Variants in PBX1 observed in about 807,000 individuals in gnomAD.
PBX1 encodes the protein pre-B-cell leukemia transcription factor 1.
PBX1 carries 6 observed loss-of-function variants against 53.4 expected under a neutral mutation model. The observed-to-expected ratio is 0.11, with a 90% confidence interval of 0.06 to 0.22. The LOEUF is 0.22. Ranked by LOEUF, PBX1 falls within the 10% of genes least tolerant of loss-of-function variation. PBX1 has a pLI of 1.00. For missense variants in PBX1, 251 were observed against 551.4 expected (o/e 0.46, Z 5.46); for synonymous variants, 204 against 212.3 (o/e 0.96, Z 0.34).
At chr1:164,744,828 C>T (rs1215037938) in intron 2 of PBX1, among the ~76,000 whole-genome samples, 10 of 151,872 alleles carry the variant, frequency 6.6e-5, no homozygotes, top group Admixed American at 6.6e-4. Flanking sequence ...TATATATGTC[C>T]CAAACCTTAG....
At chr1:164,818,031 T>C (rs1328296897) in intron 6 of PBX1, 1 of 152,200 alleles carries the variant, frequency 6.6e-6, no homozygotes, top group Admixed American at 6.5e-5. Flanking sequence ...TGATGACATA[T>C]AACAAATTAT....
chr1:164,728,803 C>A (rs1163253028), intron 2 of PBX1, among the ~76,000 whole-genome samples: 3 of 152,130 alleles, frequency 2.0e-5, no homozygotes, highest in African/African-American at 7.2e-5. Context: ...ATCTCTTTCC[C>A]GATATTCTCC....
intron 2 of PBX1, among the ~76,000 whole-genome samples, chr1:164,588,199 ATGAG>A (rs1194480872): frequency 1.5e-4 from 23 of 152,324 alleles, no homozygotes; most frequent in African/African-American, 5.5e-4. Flanking sequence ...AGGCAGTCTG[ATGAG>A]TGAGTGAGAT....
chr1:164,601,235 CAAAAAA>C (rs746798555), intron 2 of PBX1, among the ~76,000 whole-genome samples: 1,304 of 33,808 alleles, frequency 0.039, 5 homozygotes, highest in South Asian at 0.073. Context: ...GATTCTGTCT[CAAAAAA>C]AAAAAAAAAA....
At chr1:164,628,278 T>G (rs559598261) in intron 2 of PBX1, among the ~76,000 whole-genome samples, 1 of 152,360 alleles carries the variant, frequency 6.6e-6, no homozygotes, top group South Asian at 2.1e-4. Context: ...ACTGATACTT[T>G]AGAAGCATAT....
At position 164,821,584 on chromosome 1, in the gene PBX1, T is replaced by C; in HGVS notation, c.1158T>C (p.Asp386=). ...TCAGCCAGACAGGAGGATACAGTGA[T>C]GGACTCGCAGCCAGTCAGATGTACA... ...HVISQTGGYS[D]GLAASQMYSP... Residue 386 remains aspartate (D), a synonymous_variant, in exon 8 of 9, where the codon GAT becomes GAC. Transcript: ENST00000420696. 6.2e-7 allele frequency: 1 copy of C among 1,614,152 alleles called. No homozygotes were observed. Among genetic ancestry groups the C allele is most frequent in the African/African-American group, 1.3e-5 (1 of 75,040 alleles).
chr1:164,738,116 G>C (rs76151597), intron 2 of PBX1, among the ~76,000 whole-genome samples: 10,841 of 152,026 alleles, frequency 0.071, 565 homozygotes, highest in East Asian at 0.15. Flanking sequence ...GTATTTTATT[G>C]TGGGAATAGA....
chr1:164,713,678 G>A (rs1663926371), intron 2 of PBX1, among the ~76,000 whole-genome samples: 1 of 152,044 alleles, frequency 6.6e-6, no homozygotes, highest in Admixed American at 6.6e-5. Flanking sequence ...ATGGGGGAGG[G>A]GAGGCATTTT....
At chr1:164,611,214 T>C (rs1208823770) in intron 2 of PBX1, among the ~76,000 whole-genome samples, 1 of 152,114 alleles carries the variant, frequency 6.6e-6, no homozygotes, top group African/African-American at 2.4e-5. Flanking sequence ...CTCTCTAACT[T>C]TGGGCCTTTT....
chr1:164,855,386 A>G (rs1254591642), downstream of PBX1, among the ~76,000 whole-genome samples: 1 of 152,198 alleles, frequency 6.6e-6, no homozygotes, highest in South Asian at 2.1e-4. Flanking sequence ...CTTCTATAGC[A>G]GCAGCTGGCC....
At chr1:164,834,624 C>T (rs1002899729) in intron 8 of PBX1, among the ~76,000 whole-genome samples, 2 of 152,094 alleles carry the variant, frequency 1.3e-5, no homozygotes, top group African/African-American at 2.4e-5. Flanking sequence ...GGATTACAGG[C>T]GTGAGCCACT....
Position 164,847,146 on chromosome 1 carries a change from C to T in PBX1, c.*470C>T. 2 of 1,089,990 alleles carry T rather than the reference C, an allele frequency of 1.8e-6. No homozygotes were observed. Among genetic ancestry groups the T allele is most frequent in the Non-Finnish European group, 2.2e-6 (2 of 891,626 alleles). 67.5% of individuals were successfully genotyped at this position (1,089,990 alleles called of 1,614,324 possible). A position where few individuals can be genotyped will look rare whatever the true frequency, so the allele number is the denominator to read the frequency against. ...CCCTATGTTAACAGGCAATCCTTCT[C>T]TGTTTCTCTTATTACTCTCACTACC... On this transcript the variant is annotated 3_prime_UTR_variant, in exon 9 of 9. Coordinates refer to ENST00000420696, the MANE Select transcript of PBX1 (RefSeq NM_002585.4).
chr1:164,654,545 GA>G (rs1463140080), intron 2 of PBX1, among the ~76,000 whole-genome samples: 1 of 152,206 alleles, frequency 6.6e-6, no homozygotes, highest in East Asian at 1.9e-4. Flanking sequence ...AGTGATGTGA[GA>G]AATACTGGAA....
intron 2 of PBX1, among the ~76,000 whole-genome samples, chr1:164,664,434 C>T (rs79238082): frequency 0.036 from 5,404 of 152,210 alleles, 142 homozygotes; most frequent in South Asian, 0.092. Context: ...TTTGTGTTGC[C>T]GCCAGTACCA....
intron 2 of PBX1, among the ~76,000 whole-genome samples, chr1:164,704,726 T>C (rs922693476): frequency 1.6e-4 from 24 of 152,206 alleles, no homozygotes; most frequent in Non-Finnish European, 2.9e-4. Context: ...CTTTATTTGC[T>C]TTTAACACAG....
At chr1:164,720,243 T>C (rs1316290845) in intron 2 of PBX1, among the ~76,000 whole-genome samples, 3 of 152,182 alleles carry the variant, frequency 2.0e-5, no homozygotes, top group Non-Finnish European at 4.4e-5. Context: ...TGCATACTTC[T>C]GTATTTTATT....
At chr1:164,838,590 C>T (rs1423403367) in intron 8 of PBX1, among the ~76,000 whole-genome samples, 1 of 152,166 alleles carries the variant, frequency 6.6e-6, no homozygotes, top group East Asian at 1.9e-4. Flanking sequence ...GTCCCACAGC[C>T]CCGTCTTTTG....
intron 2 of PBX1, among the ~76,000 whole-genome samples, chr1:164,632,739 T>C (rs1454480345): frequency 6.6e-6 from 1 of 152,128 alleles, no homozygotes; most frequent in Non-Finnish European, 1.5e-5. Context: ...TACGGACACA[T>C]TGGACATGTG....
At chr1:164,832,043 T>C (rs943077096) in intron 8 of PBX1, among the ~76,000 whole-genome samples, 5 of 152,180 alleles carry the variant, frequency 3.3e-5, no homozygotes, top group Admixed American at 2.0e-4. Context: ...AGAAACTTTC[T>C]AATAGATATC....
Sources: allele counts gnomAD v4.1 joint callset (sites outside exome capture counted in the v4.1 genomes callset), GRCh38; gene constraint gnomAD v4.1.1; transcripts MANE v1.5; gene names NCBI Gene and HGNC (gene_info 2026-07-23, HGNC 2026-07-21).